The following SCRG1 variants were observed in gnomAD, a reference collection of about 807,000 sequenced individuals.
The protein encoded by SCRG1 is stimulator of chondrogenesis 1.
Under a neutral mutation model 7.7 loss-of-function variants are expected in SCRG1, and 3 were observed. The ratio of observed to expected loss-of-function variants is 0.39; its 90% CI spans 0.18 to 1.01. SCRG1 has a LOEUF of 1.01. Among genes scored for constraint, SCRG1 ranks in the 50% least tolerant of loss-of-function variants. The pLI is 0.36. For synonymous variants in SCRG1, 46 were observed against 41.2 expected, an observed-to-expected ratio of 1.12 and a Z score of -0.44; for missense variants, 110 against 117.2, an observed-to-expected ratio of 0.94 and a Z score of 0.28.
upstream of SCRG1, among the ~76,000 whole-genome samples, chr4:173,410,643 AAAT>A (rs1740015932): frequency 6.6e-6 from 1 of 152,196 alleles, no homozygotes; most frequent in Admixed American, 6.5e-5. Flanking sequence ...GCAATTGGAA[AAAT>A]AAAGAGAGAT....
At chr4:173,458,380 T>TAA in the SCRG1 span, among the ~76,000 whole-genome samples, 3 of 151,272 alleles carry the variant, frequency 2.0e-5, no homozygotes, top group African/African-American at 4.9e-5. Context: ...CAAAAATAAT[T>TAA]AAAAAAAAAC....
chr4:173,489,280 A>G, the SCRG1 span, among the ~76,000 whole-genome samples: 5 of 152,206 alleles, frequency 3.3e-5, no homozygotes, highest in Admixed American at 6.5e-5. Context: ...TGGAGAAAAG[A>G]GAAGATTCCC....
At chr4:173,515,894 T>C in the SCRG1 span, among the ~76,000 whole-genome samples, 6 of 152,148 alleles carry the variant, frequency 3.9e-5, no homozygotes, top group Non-Finnish European at 7.4e-5. The surrounding 1 kb of genome is among the most constrained non-coding windows in gnomAD (Gnocchi z 4.6). Context: ...GAGAAGTGTA[T>C]TAGTTGGGGC....
At chr4:173,430,451 T>C in the SCRG1 span, among the ~76,000 whole-genome samples, 1 of 152,194 alleles carries the variant, frequency 6.6e-6, no homozygotes, top group Non-Finnish European at 1.5e-5. Context: ...AGGAGTCCTA[T>C]AGGTAATGTG....
chr4:173,439,114 C>T, the SCRG1 span, among the ~76,000 whole-genome samples: 3 of 152,104 alleles, frequency 2.0e-5, no homozygotes, highest in African/African-American at 7.2e-5. Context: ...TAAGTTCAGG[C>T]CCCTTGGAAA....
At chr4:173,517,433 G>GT in the SCRG1 span, among the ~76,000 whole-genome samples, 8,670 of 152,118 alleles carry the variant, frequency 0.057, 300 homozygotes, top group Middle Eastern at 0.14. Context: ...GGAGTTTTGC[G>GT]TTTTTTACCG....
chr4:173,394,293 C>T (rs1315074886), intron 1 of SCRG1, among the ~76,000 whole-genome samples: 1 of 150,232 alleles, frequency 6.7e-6, no homozygotes, highest in Non-Finnish European at 1.5e-5. Flanking sequence ...ATTCCTTTCT[C>T]TTTTGTGTAA....
chr4:173,466,230 T>C, the SCRG1 span, among the ~76,000 whole-genome samples: 1 of 152,184 alleles, frequency 6.6e-6, no homozygotes. Flanking sequence ...AAAGGGAAAA[T>C]TCCCAAACAG....
the SCRG1 span, among the ~76,000 whole-genome samples, chr4:173,485,288 A>G: frequency 3.8e-5 from 2 of 52,316 alleles, no homozygotes; most frequent in Admixed American, 4.5e-4. Context: ...GGTCTCAAGA[A>G]GCCTTGCAAG....
rs766547854 is a variant in SCRG1 at position 173,388,408 on chromosome 4, A to C, written c.243-13T>G. 2 of 1,597,500 alleles carry C rather than the reference A, an allele frequency of 1.3e-6. No homozygotes were observed. The highest frequency in any genetic ancestry group is 2.2e-5 in the East Asian group (1 of 44,622). On this transcript the variant is annotated splice_polypyrimidine_tract_variant and intron_variant, in intron 2 of 2. Coordinates refer to ENST00000296506, the MANE Select transcript of SCRG1 (RefSeq NM_007281.4). ...AAAGAAAACGTCTCTGAAAGAAAATAGAGCATCAATTAAATTCACCTTAAG... is the reference window on the plus strand; with the variant it reads ...AAAGAAAACGTCTCTGAAAGAAAATCGAGCATCAATTAAATTCACCTTAAG...
the SCRG1 span, among the ~76,000 whole-genome samples, chr4:173,421,090 T>C: frequency 6.6e-6 from 1 of 152,118 alleles, no homozygotes; most frequent in East Asian, 1.9e-4. Context: ...AATATCACGG[T>C]ATGTAACCAC....
At chr4:173,426,933 T>C in the SCRG1 span, among the ~76,000 whole-genome samples, 3 of 152,224 alleles carry the variant, frequency 2.0e-5, no homozygotes, top group African/African-American at 7.2e-5. Flanking sequence ...AAAAGAGAAA[T>C]GCATACTGAT....
At chr4:173,436,286 T>C in the SCRG1 span, among the ~76,000 whole-genome samples, 1 of 152,164 alleles carries the variant, frequency 6.6e-6, no homozygotes, top group Non-Finnish European at 1.5e-5. Flanking sequence ...GTGATTCAAG[T>C]GCACTTTCAT....
chr4:173,411,089 A>G (rs1740024535), upstream of SCRG1, among the ~76,000 whole-genome samples: 1 of 152,190 alleles, frequency 6.6e-6, no homozygotes, highest in Non-Finnish European at 1.5e-5. Context: ...TAGCCTTTGA[A>G]TAATGCCCAC....
chr4:173,500,472 T>TGTGTGTGTGTGTG, the SCRG1 span, among the ~76,000 whole-genome samples: 4 of 150,122 alleles, frequency 2.7e-5, no homozygotes. Context: ...TTAGTAAATT[T>TGTGTGTGTGTGTG]TGTGTGTGTG....
the SCRG1 span, among the ~76,000 whole-genome samples, chr4:173,511,405 C>G: frequency 1.3e-5 from 2 of 152,176 alleles, no homozygotes; most frequent in Admixed American, 1.3e-4. This position sits in a 1 kb window ranked among gnomAD's most constrained non-coding sequence, Gnocchi z 5.2. Context: ...TCTCGCCTGG[C>G]CTGGCCCTCT....
At chr4:173,485,095 TTA>T in the SCRG1 span, among the ~76,000 whole-genome samples, 4 of 11,318 alleles carry the variant, frequency 3.5e-4, no homozygotes, top group Admixed American at 2.2e-3. Flanking sequence ...ATATTATATA[TTA>T]TATATTATAT....
chr4:173,391,461 GTT>G, intron 1 of SCRG1, 33 bp from the exon 2 acceptor site: 1 of 1,607,528 alleles, frequency 6.2e-7, no homozygotes, highest in Non-Finnish European at 8.5e-7. Context: ...ATGTGTCAAT[GTT>G]TGTTTTTTAA....
chr4:173,515,730 T>C, the SCRG1 span, among the ~76,000 whole-genome samples: 1 of 152,126 alleles, frequency 6.6e-6, no homozygotes, highest in Non-Finnish European at 1.5e-5. The surrounding 1 kb of genome is among the most constrained non-coding windows in gnomAD (Gnocchi z 4.6). Context: ...CCTCTGTGCC[T>C]AGGCTTCTCC....
Sources: allele counts gnomAD v4.1 joint callset (sites outside exome capture counted in the v4.1 genomes callset), GRCh38; gene constraint gnomAD v4.1.1; non-coding constraint Gnocchi (gnomAD v3.1); transcripts MANE v1.5; gene names NCBI Gene and HGNC (gene_info 2026-07-23, HGNC 2026-07-21).